Variants in CNTNAP5 observed in about 807,000 individuals in gnomAD.
The protein encoded by CNTNAP5 is contactin associated protein family member 5, also known as contactin-associated protein-like 5.
A neutral mutation model predicts 150.2 loss-of-function variants in CNTNAP5; 72 were observed. The ratio of observed to expected loss-of-function variants is 0.48; its 90% CI spans 0.40 to 0.58. CNTNAP5 has a LOEUF of 0.58. Among genes scored for constraint, CNTNAP5 ranks in the 20% least tolerant of loss-of-function variants. The pLI, the probability that CNTNAP5 is intolerant of heterozygous loss-of-function variation, is 0.00. For synonymous variants in CNTNAP5, 672 were observed against 619.8 expected, an observed-to-expected ratio of 1.08 and a Z score of -1.25; for missense variants, 1,636 against 1,626.2, an observed-to-expected ratio of 1.01 and a Z score of -0.10.
chr2:124,332,600 A>G (rs1017101978), intron 3 of CNTNAP5, among the ~76,000 whole-genome samples: 12 of 151,650 alleles, frequency 7.9e-5, no homozygotes, highest in Non-Finnish European at 1.5e-4. Context: ...AATGACCTAG[A>G]TATTCAATGA....
intron 13 of CNTNAP5, among the ~76,000 whole-genome samples, chr2:124,655,999 A>AAAGAAAGAAAG (rs1317556643): frequency 5.5e-5 from 5 of 90,624 alleles, no homozygotes; most frequent in Admixed American, 1.2e-4. Flanking sequence ...AAGAAAGAAA[A>AAAGAAAGAAAG]AAGGAAGGAA....
intron 17 of CNTNAP5, among the ~76,000 whole-genome samples, chr2:124,786,352 GAAGAAAGAAAGAAAGA>G (rs1207108942): frequency 0.013 from 750 of 59,106 alleles, 13 homozygotes; most frequent in Non-Finnish European, 0.019. Context: ...AGAAAGAAAG[GAAGAAAGAAAGAAAGA>G]AAGAAAGAAA....
intron 3 of CNTNAP5, among the ~76,000 whole-genome samples, chr2:124,381,855 A>C (rs1249284630): frequency 6.6e-6 from 1 of 152,094 alleles, no homozygotes; most frequent in Non-Finnish European, 1.5e-5. Context: ...GGGACACACG[A>C]CAGAGCCCTG....
At chr2:124,192,566 A>G (rs959722684) in intron 1 of CNTNAP5, among the ~76,000 whole-genome samples, 6 of 152,162 alleles carry the variant, frequency 3.9e-5, no homozygotes, top group African/African-American at 1.4e-4. Context: ...GGCATATCAG[A>G]ATCAGAGTGT....
intron 6 of CNTNAP5, among the ~76,000 whole-genome samples, chr2:124,460,753 T>C (rs944769532): frequency 5.3e-5 from 8 of 152,208 alleles, no homozygotes; most frequent in Middle Eastern, 3.2e-3. Context: ...TCCTTACTTT[T>C]ACTTGGCGTT....
intron 13 of CNTNAP5, among the ~76,000 whole-genome samples, chr2:124,655,999 A>AAAGAAAGAAAGAAAG (rs1317556643): frequency 4.4e-5 from 4 of 90,642 alleles, no homozygotes; most frequent in African/African-American, 8.3e-5. Flanking sequence ...AAGAAAGAAA[A>AAAGAAAGAAAGAAAG]AAGGAAGGAA....
At chr2:124,747,535 T>TA in intron 14 of CNTNAP5, 150 bp downstream of exon 14, 1 of 856,990 alleles carries the variant, frequency 1.2e-6, no homozygotes, top group Admixed American at 2.2e-5. Context: ...TTAAAAATGG[T>TA]AAATTCTAGT....
At position 124,772,972 on chromosome 2, in the gene CNTNAP5, G is replaced by A. The variant is rs771257158; in HGVS notation, c.2707G>A (p.Glu903Lys). The A allele has an allele frequency of 6.2e-7, 1 of 1,613,622 alleles. No individual in the cohort carries two copies. Among genetic ancestry groups the A allele is most frequent in the South Asian group, 1.1e-5 (1 of 91,068 alleles). ...NLPRSTRETS[E>K]EGHFRLQLNS... ...TCCAAGGAGCACCAGGGAGACGTCG[G>A]AGGAGGGCCATTTTCGACTGCAGCT... The change falls in exon 17 of 24, where the codon GAG becomes AAG. Residue 903 changes from glutamate to lysine, a missense_variant. Coordinates refer to ENST00000682447, the MANE Select transcript of CNTNAP5 (RefSeq NM_001367498.1).
intron 14 of CNTNAP5, among the ~76,000 whole-genome samples, chr2:124,760,229 C>T (rs1038820612): frequency 6.6e-6 from 1 of 151,816 alleles, no homozygotes; most frequent in South Asian, 2.1e-4. Context: ...TTCTTGAATT[C>T]TTCCTATAAT....
chr2:124,527,810 C>T (rs987152474), intron 10 of CNTNAP5, among the ~76,000 whole-genome samples: 3 of 152,166 alleles, frequency 2.0e-5, no homozygotes, highest in Non-Finnish European at 4.4e-5. Context: ...TTTTTCACTG[C>T]TGTGGGTGTC....
At chr2:124,085,282 T>C (rs919266786) in intron 1 of CNTNAP5, among the ~76,000 whole-genome samples, 1 of 152,148 alleles carries the variant, frequency 6.6e-6, no homozygotes, top group Non-Finnish European at 1.5e-5. Context: ...TTGGTTGTGA[T>C]ATTTTGTATT....
chr2:124,614,895 C>G (rs1221777580), intron 12 of CNTNAP5, among the ~76,000 whole-genome samples: 1 of 152,052 alleles, frequency 6.6e-6, no homozygotes, highest in Non-Finnish European at 1.5e-5. Context: ...GACGGAGTCA[C>G]TCTGGTTTAA....
chr2:124,025,973 G>A (rs192156775), intron 1 of CNTNAP5, among the ~76,000 whole-genome samples: 7 of 152,094 alleles, frequency 4.6e-5, no homozygotes, highest in Non-Finnish European at 2.9e-5. Context: ...ATAAGGAAAG[G>A]TTTCTCTTCC....
At chr2:124,477,274 A>C (rs1693663163) in intron 7 of CNTNAP5, among the ~76,000 whole-genome samples, 1 of 152,124 alleles carries the variant, frequency 6.6e-6, no homozygotes, top group African/African-American at 2.4e-5. Context: ...CTATGGCTTA[A>C]ATGACTTTGT....
intron 1 of CNTNAP5, among the ~76,000 whole-genome samples, chr2:124,185,436 C>T (rs910635099): frequency 6.6e-6 from 1 of 152,190 alleles, no homozygotes; most frequent in African/African-American, 2.4e-5. Context: ...ATCAGACTAG[C>T]AGTGGAAGAG....
rs771066189 is a variant in CNTNAP5, at chr2:124,487,665, T to C, written c.1062+12783T>C. ...TGCCTAGAAGCTCATTTCATGTGCA[T>C]GGGCACATATAATCCTCCATATTGC... is the stretch of plus-strand genomic sequence containing the variant. On this transcript the variant is annotated intron_variant, in intron 7 of 23. Transcript: ENST00000682447. Among the ~76,000 whole-genome samples, 5 of 152,014 alleles carry C rather than the reference T, an allele frequency of 3.3e-5. No homozygotes were observed. In the East Asian group the frequency reaches 5.8e-4, roughly 18 times the overall value.
intron 12 of CNTNAP5, among the ~76,000 whole-genome samples, chr2:124,641,539 T>C (rs1318995049): frequency 2.0e-5 from 3 of 152,006 alleles, no homozygotes; most frequent in African/African-American, 7.3e-5. Flanking sequence ...TGCCAATGAG[T>C]AGATGGAAAA....
intron 14 of CNTNAP5, among the ~76,000 whole-genome samples, chr2:124,755,988 G>A (rs1680832352): frequency 6.6e-6 from 1 of 152,078 alleles, no homozygotes; most frequent in Admixed American, 6.6e-5. Context: ...TAAAAGTGGG[G>A]GAATATCTAT....
At chr2:124,568,914 G>A (rs1195396252) in intron 11 of CNTNAP5, among the ~76,000 whole-genome samples, 4 of 152,266 alleles carry the variant, frequency 2.6e-5, no homozygotes, top group Admixed American at 1.3e-4. Flanking sequence ...CTGGCGTGGC[G>A]GCGGACGCCT....
Sources: allele counts gnomAD v4.1 joint callset (sites outside exome capture counted in the v4.1 genomes callset), GRCh38; gene constraint gnomAD v4.1.1; transcripts MANE v1.5; gene names NCBI Gene and HGNC (gene_info 2026-07-23, HGNC 2026-07-21).